Variants in FAM184A observed in about 807,000 individuals in gnomAD.
FAM184A encodes the protein protein FAM184A.
Under a neutral mutation model 143.8 loss-of-function variants are expected in FAM184A, and 99 were observed. The observed-to-expected ratio is 0.69, with a 90% CI of 0.58 to 0.81. FAM184A has a LOEUF of 0.81. Among genes scored for constraint, FAM184A ranks in the 40% least tolerant of loss-of-function variants. The probability of loss-of-function intolerance (pLI) is 0.00; values close to 1 mark genes in which losing one functional copy is unlikely to be tolerated. For missense variants in FAM184A, 1,217 were observed against 1,310.5 expected, an observed-to-expected ratio of 0.93 and a Z score of 1.10; for synonymous variants, 427 against 446.4, an observed-to-expected ratio of 0.96 and a Z score of 0.55.
At chr6:119,028,184 CT>C (rs1420082186) in intron 1 of FAM184A, among the ~76,000 whole-genome samples, 3 of 152,224 alleles carry the variant, frequency 2.0e-5, no homozygotes, top group African/African-American at 4.8e-5. Context: ...TGGTCCCCCC[CT>C]GCTTAGCACT....
chr6:119,065,229 C>T (rs1389922629), intron 1 of FAM184A, among the ~76,000 whole-genome samples: 1 of 152,190 alleles, frequency 6.6e-6, no homozygotes, highest in Non-Finnish European at 1.5e-5. Flanking sequence ...CTTGGTCTCT[C>T]TCCCTTCCCA....
chr6:119,045,096 A>G (rs1319430139), intron 1 of FAM184A, among the ~76,000 whole-genome samples: 1 of 152,186 alleles, frequency 6.6e-6, no homozygotes, highest in Non-Finnish European at 1.5e-5. Flanking sequence ...CATCCATTCA[A>G]GGATTGCTGA....
chr6:119,052,484 C>T (rs1054600427), intron 1 of FAM184A, among the ~76,000 whole-genome samples: 2 of 152,338 alleles, frequency 1.3e-5, no homozygotes, highest in African/African-American at 2.4e-5. Flanking sequence ...ACTGATCTTT[C>T]GGCTTCCCCT....
chr6:119,116,624 T>C (rs1360650777), intron 1 of FAM184A, among the ~76,000 whole-genome samples: 1 of 152,196 alleles, frequency 6.6e-6, no homozygotes, highest in Non-Finnish European at 1.5e-5. Context: ...AATAAAAACA[T>C]TACAAGGCGA....
intron 1 of FAM184A, among the ~76,000 whole-genome samples, chr6:119,046,801 T>C (rs1251307409): frequency 6.6e-6 from 1 of 152,196 alleles, no homozygotes; most frequent in Non-Finnish European, 1.5e-5. Context: ...TTATATGGTA[T>C]ATCATAGCAT....
At chr6:118,972,564 G>A (rs886554909) in intron 14 of FAM184A, among the ~76,000 whole-genome samples, 8 of 152,084 alleles carry the variant, frequency 5.3e-5, no homozygotes, top group Admixed American at 2.0e-4. Context: ...AGAAAAGCAG[G>A]TAGTTTACTT....
rs114418549 is a variant in FAM184A at position 119,026,083 on chromosome 6, T to C, written c.160-1270A>G. 4.7e-3 allele frequency among the ~76,000 whole-genome samples: 717 copies of C among 152,238 alleles called. 9 individuals carry two copies. The highest frequency in any genetic ancestry group is 0.017 in the African/African-American group (695 of 41,538). On this transcript the variant is annotated intron_variant, in intron 1 of 17. Transcript: ENST00000338891. ...ACACAGGGGCATCACTTTCTCCACA[T>C]AGGGCTTTGTCTTCCAGATCCAGTG...
chr6:118,970,363 C>T (rs1349402533), intron 14 of FAM184A, among the ~76,000 whole-genome samples: 1 of 151,950 alleles, frequency 6.6e-6, no homozygotes, highest in African/African-American at 2.4e-5. Flanking sequence ...TTTCACAACA[C>T]TCAGGCAGGA....
intron 14 of FAM184A, among the ~76,000 whole-genome samples, chr6:118,967,613 A>C (rs1231364357): frequency 6.6e-6 from 1 of 152,138 alleles, no homozygotes; most frequent in East Asian, 1.9e-4. Flanking sequence ...TGAACGTTAA[A>C]ATATAGGCCA....
chr6:119,131,873 A>T (rs1046233372), intron 1 of FAM184A, among the ~76,000 whole-genome samples: 18 of 152,232 alleles, frequency 1.2e-4, no homozygotes, highest in African/African-American at 4.3e-4. Context: ...ACAGGAAGAC[A>T]GTGGAGTATT....
intron 3 of FAM184A, among the ~76,000 whole-genome samples, chr6:119,020,644 T>C (rs1402888299): frequency 6.6e-6 from 1 of 152,204 alleles, no homozygotes; most frequent in African/African-American, 2.4e-5. Flanking sequence ...GAAACAAAGA[T>C]GGCAGATAGC....
chr6:118,985,095 G>A (rs73523334), intron 9 of FAM184A, among the ~76,000 whole-genome samples: 2,540 of 152,166 alleles, frequency 0.017, 84 homozygotes, highest in African/African-American at 0.059. Context: ...ATAATTCACC[G>A]TTTTGTTTTC....
chr6:119,073,547 T>C (rs751492591), intron 1 of FAM184A, among the ~76,000 whole-genome samples: 1 of 152,034 alleles, frequency 6.6e-6, no homozygotes, highest in Non-Finnish European at 1.5e-5. Context: ...CCCCCACCAC[T>C]AGTGAGGTGG....
At chr6:119,091,712 A>T (rs1469720608) in intron 1 of FAM184A, among the ~76,000 whole-genome samples, 1 of 152,242 alleles carries the variant, frequency 6.6e-6, no homozygotes, top group Non-Finnish European at 1.5e-5. Flanking sequence ...AGGATGAATC[A>T]CTGTCCTCTC....
chr6:119,008,677 G>A (rs898466057), intron 6 of FAM184A, among the ~76,000 whole-genome samples: 4 of 152,162 alleles, frequency 2.6e-5, no homozygotes, highest in African/African-American at 7.2e-5. Flanking sequence ...ACAAACTGAG[G>A]GAATACAGTA....
Position 118,960,054 on chromosome 6 carries a change from G to A in FAM184A, c.*49C>T. On this transcript the variant is annotated 3_prime_UTR_variant, in exon 18 of 18. Coordinates refer to ENST00000338891, the MANE Select transcript of FAM184A (RefSeq NM_024581.6). ...CTATTTACATAACAATCTGTATAAA[G>A]TCATGCTCTTAGTAACAGTCTATAC... 6.9e-7 allele frequency: 1 copy of A among 1,442,992 alleles called. No homozygotes were observed. The highest frequency in any genetic ancestry group is 1.4e-5 in the African/African-American group (1 of 70,952). The allele number at this position is 1,442,992 out of a possible 1,614,324, so 89.4% of individuals were successfully genotyped here.
At chr6:119,008,594 CT>C (rs1784998309) in intron 6 of FAM184A, among the ~76,000 whole-genome samples, 1 of 151,772 alleles carries the variant, frequency 6.6e-6, no homozygotes, top group South Asian at 2.1e-4. Context: ...ATTTTTTTTT[CT>C]TTAGGCTAGT....
At chr6:119,000,416 T>C (rs1429916359) in intron 9 of FAM184A, among the ~76,000 whole-genome samples, 3 of 152,136 alleles carry the variant, frequency 2.0e-5, no homozygotes, top group Non-Finnish European at 4.4e-5. Flanking sequence ...CAATGAAATA[T>C]TAAAAGGAAA....
chr6:119,104,270 G>A (rs1451982182), intron 1 of FAM184A, among the ~76,000 whole-genome samples: 1 of 152,134 alleles, frequency 6.6e-6, no homozygotes, highest in African/African-American at 2.4e-5. Context: ...GCCTCCCAAA[G>A]TACTGGAATT....
Sources: gnomAD v4.1 joint callset for allele counts (sites outside exome capture counted in the v4.1 genomes callset) on GRCh38, gnomAD v4.1.1 for gene constraint, MANE v1.5 for transcripts, NCBI Gene and HGNC (gene_info 2026-07-23, HGNC 2026-07-21) for gene names.